The following RGP1 variants were observed in gnomAD, a reference collection of about 807,000 sequenced individuals.
RGP1 encodes RGP1 partner of RAB6A GEF complex.
A neutral mutation model predicts 44.5 loss-of-function variants in RGP1; 28 were observed. That is an observed-to-expected ratio of 0.63 (90% CI 0.47 to 0.86). The LOEUF is 0.86. Among genes scored for constraint, RGP1 ranks in the 40% least tolerant of loss-of-function variants. The probability of loss-of-function intolerance (pLI) is 0.00; values close to 1 mark genes in which losing one functional copy is unlikely to be tolerated. For synonymous variants in RGP1, 212 were observed against 196.7 expected, an observed-to-expected ratio of 1.08 and a Z score of -0.65; for missense variants, 417 against 490.7, an observed-to-expected ratio of 0.85 and a Z score of 1.42.
chr9:35,766,043 C>T, the RGP1 span, among the ~76,000 whole-genome samples: 1 of 150,682 alleles, frequency 6.6e-6, no homozygotes. Flanking sequence ...CCATGTTAGC[C>T]AGGATGATCT....
At position 35,751,787 on chromosome 9, in the gene RGP1, G is replaced by C. The variant is rs1827269784; in HGVS notation, c.762+33G>C. The C allele has an allele frequency of 1.9e-6, 3 of 1,613,236 alleles. No individual in the cohort carries two copies. In the Admixed American group the frequency reaches 5.0e-5, roughly 27 times the overall value. ...GGGAGCAGAGCTTCTTACCTGCTGG[G>C]GTGCTGGGGTTGAAGGGCTAGGGTG... On this transcript the variant is annotated intron_variant, in intron 7 of 8. Transcript: ENST00000378078.
chr9:35,774,690 T>G, the RGP1 span, among the ~76,000 whole-genome samples: 7 of 152,074 alleles, frequency 4.6e-5, no homozygotes, highest in Non-Finnish European at 8.8e-5. Flanking sequence ...TGCCGCTGCA[T>G]TCCATCCTGG....
At position 35,751,631 on chromosome 9, in the gene RGP1, A is replaced by G; in HGVS notation, c.639A>G (p.Leu213=). 3 of 1,613,978 alleles carry G rather than the reference A, an allele frequency of 1.9e-6. No individual in the cohort carries two copies. Among genetic ancestry groups the G allele is most frequent in the East Asian group, 2.2e-5 (1 of 44,882 alleles). ...ATAGTGTCCTATTCTCCCCAGATCT[A>G]TACAATATCAGTGATGGCCGAGGGA... ...MAATSCRSLH[L]YNISDGRGKV... is the part of the protein sequence containing the mutation. Residue 213 remains leucine, a synonymous_variant, in exon 7 of 9, where the codon CTA becomes CTG. Transcript: ENST00000378078.
chr9:35,779,271 T>G, the RGP1 span, among the ~76,000 whole-genome samples: 1 of 152,140 alleles, frequency 6.6e-6, no homozygotes, highest in South Asian at 2.1e-4. Flanking sequence ...AAAAGATGAC[T>G]GAAGGGAGGC....
Position 35,752,885 on chromosome 9 carries a change from C to A in RGP1, c.*11C>A, listed in dbSNP as rs1345932316. On this transcript the variant is annotated 3_prime_UTR_variant, in exon 9 of 9. Coordinates refer to ENST00000378078, the MANE Select transcript of RGP1 (RefSeq NM_001080496.3). ...ACCATAACCATCTGAAACTGGCCCA[C>A]CCTGGTGCTAGTTCCTTCCGGATAC... The A allele has an allele frequency of 1.2e-6, 2 of 1,611,894 alleles. No homozygotes were observed. The highest frequency in any genetic ancestry group is 3.3e-4 in the Middle Eastern group (2 of 5,996).
the RGP1 span, among the ~76,000 whole-genome samples, chr9:35,773,112 G>C: frequency 6.6e-6 from 1 of 152,138 alleles, no homozygotes. Context: ...AGTACAGCCA[G>C]GCATGGTGGC....
the RGP1 span, among the ~76,000 whole-genome samples, chr9:35,778,117 T>C: frequency 1.3e-5 from 2 of 151,984 alleles, no homozygotes; most frequent in African/African-American, 4.8e-5. Context: ...CTGATCAACA[T>C]GGAGAAACCC....
At chr9:35,777,292 G>C in the RGP1 span, among the ~76,000 whole-genome samples, 2 of 151,064 alleles carry the variant, frequency 1.3e-5, no homozygotes, top group Non-Finnish European at 3.0e-5. Flanking sequence ...ACCATGCCTG[G>C]CTAATTTTTT....
intron 3 of RGP1, 47 bp downstream of exon 3, chr9:35,750,426 G>T: frequency 6.3e-7 from 1 of 1,598,234 alleles, no homozygotes; most frequent in Non-Finnish European, 8.6e-7. Context: ...CGGAGGGTGT[G>T]TGTGGAGGCA....
In RGP1 at chr9:35,757,131, C is replaced by A. The variant is rs1368237647; in HGVS notation, c.*4257C>A. 6.6e-6 allele frequency: 1 copy of A among 152,304 alleles called. No homozygotes were observed. The highest frequency in any genetic ancestry group is 1.5e-5 in the Non-Finnish European group (1 of 68,166). 9.4% of individuals were successfully genotyped at this position (152,304 alleles called of 1,614,324 possible). A position where few individuals can be genotyped will look rare whatever the true frequency, so the allele number is the denominator to read the frequency against. On this transcript the variant is annotated 3_prime_UTR_variant, in exon 9 of 9. Coordinates refer to ENST00000378078, the MANE Select transcript of RGP1 (RefSeq NM_001080496.3). ...GCCGGGCGGCGCTCCAGCCTCGGGG[C>A]AGGTGCGCGGAGAGGAAGTGAGAGC... is the stretch of plus-strand genomic sequence containing the variant.
chr9:35,780,828 G>A, the RGP1 span, among the ~76,000 whole-genome samples: 7 of 152,232 alleles, frequency 4.6e-5, no homozygotes, highest in Middle Eastern at 3.4e-3. Flanking sequence ...GGGGGATGGA[G>A]GTTGCAGTGA....
At chr9:35,777,119 G>A in the RGP1 span, among the ~76,000 whole-genome samples, 1 of 146,178 alleles carries the variant, frequency 6.8e-6, no homozygotes, top group Admixed American at 7.0e-5. Flanking sequence ...TCTAAATCAG[G>A]TGTTTTTCTT....
At chr9:35,782,634 C>A in the RGP1 span, among the ~76,000 whole-genome samples, 1 of 151,844 alleles carries the variant, frequency 6.6e-6, no homozygotes, top group Non-Finnish European at 1.5e-5. Flanking sequence ...TTAGTAGAGA[C>A]GGGGTTTCTC....
At chr9:35,750,796 T>C in intron 4 of RGP1, 44 bp from the exon 5 acceptor site, 1 of 1,613,860 alleles carries the variant, frequency 6.2e-7, no homozygotes, top group Non-Finnish European at 8.5e-7. Flanking sequence ...GAGGGAGGAC[T>C]CCTCTGGTGC....
chr9:35,750,911 A>G lies in RGP1; in HGVS notation c.409A>G (p.Lys137Glu). ...GGGTCAGTCAGTCAAGTACGTCTAC[A>G]AACTGACCATTGGCTGCCAGCGTGT... ...FRGQSVKYVY[K>E]LTIGCQRVNS... is the part of the protein sequence containing the mutation. The change falls in exon 5 of 9, where the codon AAA becomes GAA. Residue 137 changes from lysine (K) to glutamate (E), a missense_variant. Physicochemically the swap from Lys to Glu is moderately conservative, Grantham distance 56. Coordinates refer to ENST00000378078, the MANE Select transcript of RGP1 (RefSeq NM_001080496.3). The G allele has an allele frequency of 6.2e-7, 1 of 1,613,966 alleles. No individual in the cohort carries two copies. Among genetic ancestry groups the G allele is most frequent in the Non-Finnish European group, 8.5e-7 (1 of 1,179,850 alleles).
At chr9:35,778,861 G>T in the RGP1 span, among the ~76,000 whole-genome samples, 2 of 152,190 alleles carry the variant, frequency 1.3e-5, no homozygotes, top group Admixed American at 6.5e-5. Context: ...GGGGAAAAGA[G>T]AGTATACATG....
In RGP1 at chr9:35,754,215, C is replaced by T; in HGVS notation, c.*1341C>T. 6.6e-7 allele frequency: 1 copy of T among 1,504,678 alleles called. No individual in the cohort carries two copies. The highest frequency in any genetic ancestry group is 9.0e-7 in the Non-Finnish European group (1 of 1,116,716). 93.2% of individuals were successfully genotyped at this position (1,504,678 alleles called of 1,614,324 possible). A position where few individuals can be genotyped will look rare whatever the true frequency, so the allele number is the denominator to read the frequency against. On this transcript the variant is annotated 3_prime_UTR_variant, in exon 9 of 9. Transcript: ENST00000378078. ...TCCTTGACTTTGCTTTGCGTTGCTC[C>T]TTGAGTCTTAGTTTCTGTCTTTCTC...
In RGP1 at chr9:35,753,856, G is replaced by A. The variant is rs1039887040; in HGVS notation, c.*982G>A. On this transcript the variant is annotated 3_prime_UTR_variant, in exon 9 of 9. Coordinates refer to ENST00000378078, the MANE Select transcript of RGP1 (RefSeq NM_001080496.3). The surrounding 1 kb of genome is among the most constrained non-coding windows in gnomAD (Gnocchi z 4.2). The stretch of plus-strand genomic sequence containing the variant: ...GGTCTGGGGTGGAGACAGTAAGTAC[G>A]CACTATCCCCGTATTTAGTTTGTCT... 10 of 1,513,774 alleles carry A rather than the reference G, an allele frequency of 6.6e-6. No homozygotes were observed. The highest frequency in any genetic ancestry group is 5.9e-5 in the South Asian group (5 of 84,452). 93.8% of individuals were successfully genotyped at this position (1,513,774 alleles called of 1,614,324 possible). A position where few individuals can be genotyped will look rare whatever the true frequency, so the allele number is the denominator to read the frequency against.
At chr9:35,767,009 G>C in the RGP1 span, among the ~76,000 whole-genome samples, 1 of 152,148 alleles carries the variant, frequency 6.6e-6, no homozygotes, top group African/African-American at 2.4e-5. Flanking sequence ...TTGCCTCTCT[G>C]TGATTTCTCA....
Sources: allele counts gnomAD v4.1 joint callset (sites outside exome capture counted in the v4.1 genomes callset), GRCh38; gene constraint gnomAD v4.1.1; non-coding constraint Gnocchi (gnomAD v3.1); transcripts MANE v1.5; gene names NCBI Gene and HGNC (gene_info 2026-07-23, HGNC 2026-07-21).